The following ART3 variants were observed in gnomAD, a reference collection of about 807,000 sequenced individuals.
ART3 encodes the protein ecto-ADP-ribosyltransferase 3.
Under a neutral mutation model 48.5 loss-of-function variants are expected in ART3, and 49 were observed. That is an observed-to-expected ratio of 1.01 (90% CI 0.80 to 1.28). The LOEUF (loss-of-function observed/expected upper bound fraction) is 1.28. Among genes scored for constraint, ART3 ranks in the 50% most tolerant of loss-of-function variants. The probability of loss-of-function intolerance (pLI) is 0.00; values close to 1 mark genes in which losing one functional copy is unlikely to be tolerated. For missense variants in ART3, 438 were observed against 454.3 expected (o/e 0.96, Z 0.33); for synonymous variants, 145 against 157.2 (o/e 0.92, Z 0.58).
At chr4:76,100,686 C>A in intron 6 of ART3, 109 bp from the exon 7 acceptor site, 2 of 1,234,536 alleles carry the variant, frequency 1.6e-6, no homozygotes, top group South Asian at 1.4e-5. Context: ...CCTCCCTTTA[C>A]AGGTGGGAAT....
chr4:76,111,856 TAC>T (rs1427303544), intron 11 of ART3: 2 of 152,534 alleles, frequency 1.3e-5, no homozygotes, highest in Non-Finnish European at 2.9e-5. Flanking sequence ...CAGTATATAA[TAC>T]ATTTACAAAA....
At chr4:76,049,942 G>A (rs947802343) in intron 1 of ART3, among the ~76,000 whole-genome samples, 1 of 151,568 alleles carries the variant, frequency 6.6e-6, no homozygotes, top group African/African-American at 2.4e-5. Flanking sequence ...CTTCTGGTGG[G>A]TTCGTGGTCT....
chr4:76,041,370 C>T (rs1297165956), intron 1 of ART3: 4 of 152,146 alleles, frequency 2.6e-5, no homozygotes, highest in African/African-American at 7.2e-5. Flanking sequence ...AATGCACTTT[C>T]CTCTCCTCTT....
At chr4:76,014,297 A>G (rs1017826307) in intron 1 of ART3, among the ~76,000 whole-genome samples, 1 of 152,196 alleles carries the variant, frequency 6.6e-6, no homozygotes, top group African/African-American at 2.4e-5. Flanking sequence ...ATCATGTACA[A>G]AAAAACAAAA....
intron 3 of ART3, among the ~76,000 whole-genome samples, chr4:76,092,822 T>C (rs1279467222): frequency 1.3e-5 from 2 of 152,226 alleles, no homozygotes; most frequent in Non-Finnish European, 2.9e-5. Context: ...TTTCTTGTTA[T>C]TAGTATTTTT....
At chr4:76,105,422 A>G (rs1056220800) in intron 10 of ART3, 2 of 1,132,422 alleles carry the variant, frequency 1.8e-6, no homozygotes, top group Non-Finnish European at 2.3e-6. Context: ...GACTGATGAG[A>G]TAAAGTACCT....
chr4:76,032,354 G>A (rs1733943747), intron 1 of ART3, among the ~76,000 whole-genome samples: 1 of 151,666 alleles, frequency 6.6e-6, no homozygotes, highest in Non-Finnish European at 1.5e-5. Context: ...TTACAGGCAT[G>A]TGCCACCATA....
chr4:76,049,925 T>A (rs1320722547), intron 1 of ART3, among the ~76,000 whole-genome samples: 2 of 150,920 alleles, frequency 1.3e-5, no homozygotes, highest in African/African-American at 4.9e-5. Flanking sequence ...GTGTTCGGAG[T>A]TTGTTCCTTC....
chr4:76,031,253 C>A (rs570998166), intron 1 of ART3, among the ~76,000 whole-genome samples: 1 of 151,436 alleles, frequency 6.6e-6, no homozygotes, highest in African/African-American at 2.4e-5. Context: ...CATGTATTAC[C>A]GATTTTACAT....
chr4:76,067,020 T>C (rs565909000), intron 1 of ART3, among the ~76,000 whole-genome samples: 1 of 152,308 alleles, frequency 6.6e-6, no homozygotes, highest in South Asian at 2.1e-4. Flanking sequence ...GCAGGGCTCC[T>C]GCCTGCTCTG....
Position 76,105,423 on chromosome 4 carries a change from TAAAGTACCTAGC to T in ART3, c.1003+810_1003+821del, listed in dbSNP as rs917810024. The T allele has an allele frequency of 7.9e-6, 9 of 1,137,188 alleles. No individual in the cohort carries two copies. The Admixed American group carries it at 8.2e-5, about 10-fold the overall frequency. The allele number at this position is 1,137,188 out of a possible 1,614,324, so 70.4% of individuals were successfully genotyped here. ...CTTCTGTCTTGCAGGACTGATGAGA[TAAAGTACCTAGC>T]AAAGTACCTAGCAAAATGAATGGTG... On this transcript the variant is annotated intron_variant, in intron 10 of 11. Transcript: ENST00000355810.
rs530485416 is a variant in ART3 at position 76,083,732 on chromosome 4, T to A, written c.781+1197T>A. On this transcript the variant is annotated intron_variant, in intron 3 of 11. Transcript: ENST00000355810. ...TAAAAGTTTTCCCAGAAACCCTTAC[T>A]AAACTCCTGATTACAGGTCATTGAC... Among the ~76,000 whole-genome samples the A allele has an allele frequency of 1.1e-4, 17 of 152,374 alleles. 1 individual carries two copies. The South Asian group carries it at 3.3e-3, about 30-fold the overall frequency.
At chr4:76,032,005 T>C (rs1159632198) in intron 1 of ART3, among the ~76,000 whole-genome samples, 3 of 152,168 alleles carry the variant, frequency 2.0e-5, no homozygotes, top group Non-Finnish European at 4.4e-5. Flanking sequence ...GGCATTAGCT[T>C]AGTGAAGAAA....
chr4:76,103,649 A>G (rs1394177851), intron 8 of ART3, among the ~76,000 whole-genome samples: 3 of 152,150 alleles, frequency 2.0e-5, no homozygotes, highest in Non-Finnish European at 4.4e-5. Context: ...TAAAACCAGT[A>G]GTGTTTCATC....
chr4:76,021,048 A>G (rs1389783045), intron 1 of ART3: 2 of 152,178 alleles, frequency 1.3e-5, no homozygotes, highest in African/African-American at 4.8e-5. Flanking sequence ...TCTCCAGGCC[A>G]TAGATTTCTC....
intron 2 of ART3, among the ~76,000 whole-genome samples, chr4:76,080,118 A>G (rs1312930308): frequency 6.6e-6 from 1 of 152,116 alleles, no homozygotes; most frequent in Non-Finnish European, 1.5e-5. Context: ...TTATCCTTTT[A>G]TTTGTAGAAA....
chr4:76,028,771 C>G (rs1332029255), intron 1 of ART3, among the ~76,000 whole-genome samples: 1 of 152,208 alleles, frequency 6.6e-6, no homozygotes, highest in African/African-American at 2.4e-5. Flanking sequence ...CCTTCATAGC[C>G]AGCCTAAGCA....
rs1018429655 is a variant in ART3, at chr4:76,011,800, T to A, written c.-10+480T>A. Among the ~76,000 whole-genome samples the A allele has an allele frequency of 4.6e-5, 7 of 152,188 alleles. No homozygotes were observed. The East Asian group carries it at 1.2e-3, about 25-fold the overall frequency. On this transcript the variant is annotated intron_variant, in intron 1 of 9. Coordinates refer to the ART3 transcript ENST00000341029. ...GCCCAGCTCAGGCCTGTCCAGACAC[T>A]AGTTTCCTGGGCTTCGTTTAGGAAC...
At chr4:76,023,418 G>A in intron 1 of ART3, 1 of 1,613,814 alleles carries the variant, frequency 6.2e-7, no homozygotes, top group Non-Finnish European at 8.5e-7. Context: ...AATCAGAATG[G>A]CAGTTTGATT....
Sources: allele counts gnomAD v4.1 joint callset (sites outside exome capture counted in the v4.1 genomes callset), GRCh38; gene constraint gnomAD v4.1.1; transcripts MANE v1.5; gene names NCBI Gene and HGNC (gene_info 2026-07-23, HGNC 2026-07-21).